The following GREB1L variants were observed in gnomAD, a reference collection of about 807,000 sequenced individuals.
The protein encoded by GREB1L is GREB1 like retinoic acid receptor coactivator.
Under a neutral mutation model 200.8 loss-of-function variants are expected in GREB1L, and 17 were observed. That is an observed-to-expected ratio of 0.08 (90% CI 0.06 to 0.13). GREB1L has a LOEUF of 0.13. Among genes scored for constraint, GREB1L ranks in the 10% least tolerant of loss-of-function variants. The pLI is 1.00. For missense variants in GREB1L, 1,657 were observed against 2,367.7 expected (o/e 0.70, Z 6.23); for synonymous variants, 789 against 893.0 (o/e 0.88, Z 2.08).
intron 17 of GREB1L, among the ~76,000 whole-genome samples, chr18:21,481,634 C>T (rs79988006): frequency 1.5e-4 from 23 of 152,096 alleles, no homozygotes; most frequent in Admixed American, 1.4e-3. Flanking sequence ...CCCGAGAAGT[C>T]CTGTGTCCCT....
At chr18:21,487,653 C>CT (rs1440099799) in intron 18 of GREB1L, among the ~76,000 whole-genome samples, 1 of 152,150 alleles carries the variant, frequency 6.6e-6, no homozygotes, top group Non-Finnish European at 1.5e-5. Context: ...GTTGTATGAA[C>CT]TGGGACAAGC....
At chr18:21,290,084 G>A (rs909766197) in intron 1 of GREB1L, among the ~76,000 whole-genome samples, 1 of 152,190 alleles carries the variant, frequency 6.6e-6, no homozygotes, top group African/African-American at 2.4e-5. Flanking sequence ...TGGCTTCTGG[G>A]AAATGGAAAA....
intron 1 of GREB1L, among the ~76,000 whole-genome samples, chr18:21,296,184 G>T (rs1007851244): frequency 2.0e-5 from 3 of 152,160 alleles, no homozygotes; most frequent in Admixed American, 6.5e-5. Context: ...CTAGGTGTCT[G>T]CCAATCAGCA....
intron 1 of GREB1L, among the ~76,000 whole-genome samples, chr18:21,330,221 G>A (rs2039088051): frequency 1.3e-5 from 2 of 152,204 alleles, no homozygotes; most frequent in Non-Finnish European, 2.9e-5. Context: ...CAGCACCAAC[G>A]AGCTGCAGCC....
chr18:21,412,205 C>A (rs1476408351), intron 7 of GREB1L, among the ~76,000 whole-genome samples: 1 of 151,390 alleles, frequency 6.6e-6, no homozygotes, highest in Non-Finnish European at 1.5e-5. Flanking sequence ...CAAGACTAGC[C>A]TTGTCTTGAA....
At chr18:21,451,991 T>G in intron 13 of GREB1L, 92 bp from the exon 14 acceptor site, 3 of 1,210,294 alleles carry the variant, frequency 2.5e-6, no homozygotes, top group Non-Finnish European at 2.3e-6. Context: ...ACAAATCTAC[T>G]GAGAACAGCC....
At chr18:21,511,315 G>A (rs183588787) in intron 27 of GREB1L, among the ~76,000 whole-genome samples, 1 of 151,992 alleles carries the variant, frequency 6.6e-6, no homozygotes, top group East Asian at 1.9e-4. Context: ...GGTAAGCTGA[G>A]ATCGTACCGC....
chr18:21,412,213 G>T (rs2031127450), intron 7 of GREB1L, among the ~76,000 whole-genome samples: 2 of 151,088 alleles, frequency 1.3e-5, no homozygotes, highest in African/African-American at 4.9e-5. Context: ...GCCTTGTCTT[G>T]AACATAGTGA....
chr18:21,449,936 C>G, intron 12 of GREB1L, 100 bp downstream of exon 12: 1 of 894,770 alleles, frequency 1.1e-6, no homozygotes, highest in Non-Finnish European at 1.7e-6. Flanking sequence ...ACATAATCAA[C>G]CTCTGATTAA....
At chr18:21,520,871 G>A (rs773922068) in intron 32 of GREB1L, 48 bp downstream of exon 32, 3 of 1,460,914 alleles carry the variant, frequency 2.1e-6, no homozygotes, top group Non-Finnish European at 2.8e-6. Flanking sequence ...GGTTCCCACT[G>A]AGCAAAATAC....
chr18:21,337,829 T>C (rs2039209338), intron 1 of GREB1L, among the ~76,000 whole-genome samples: 1 of 151,654 alleles, frequency 6.6e-6, no homozygotes, highest in Non-Finnish European at 1.5e-5. Context: ...TACTAAAAAA[T>C]ACAAACAATT....
chr18:21,334,547 C>T (rs569600029), intron 1 of GREB1L, among the ~76,000 whole-genome samples: 31 of 152,152 alleles, frequency 2.0e-4, no homozygotes, highest in African/African-American at 6.5e-4. Flanking sequence ...TTATTGATCA[C>T]GAGGTCAGGA....
intron 1 of GREB1L, among the ~76,000 whole-genome samples, chr18:21,318,044 G>T (rs1214386441): frequency 6.6e-6 from 1 of 150,898 alleles, no homozygotes; most frequent in African/African-American, 2.4e-5. Context: ...GGAGGTGGAG[G>T]TTGCAGTGAG....
In GREB1L at chr18:21,343,133, G is replaced by GA. The variant is rs544057615; in HGVS notation, c.-119-22882dup. Among the ~76,000 whole-genome samples the GA allele has an allele frequency of 1.8e-3, 245 of 139,766 alleles. 1 individual carries two copies. The highest frequency in any genetic ancestry group is 4.1e-3 in the East Asian group (20 of 4,906). 91.7% of individuals were successfully genotyped at this position (139,766 alleles called of 152,430 possible). On this transcript the variant is annotated intron_variant, in intron 1 of 32. Transcript: ENST00000424526. ...TGGACACCTTTTGGTTTCTTATCTG[G>GA]AAAAAAAAAAAAGGGAGTTAGTCAG...
intron 1 of GREB1L, among the ~76,000 whole-genome samples, chr18:21,355,502 A>G (rs999286000): frequency 1.3e-5 from 2 of 152,116 alleles, no homozygotes; most frequent in African/African-American, 4.8e-5. Flanking sequence ...TTCTTGTTCA[A>G]TATTTTATTG....
chr18:21,510,878 T>C (rs2037212975), intron 27 of GREB1L, among the ~76,000 whole-genome samples: 1 of 152,142 alleles, frequency 6.6e-6, no homozygotes, highest in African/African-American at 2.4e-5. Context: ...TGCATTGTGA[T>C]TTTGTTTTGC....
intron 1 of GREB1L, among the ~76,000 whole-genome samples, chr18:21,268,556 CACACATATATATAT>C (rs1204157025): frequency 1.6e-3 from 154 of 95,716 alleles, no homozygotes; most frequent in African/African-American, 7.2e-3. Flanking sequence ...CACACACACA[CACACATATATATAT>C]ATATATATAT....
intron 7 of GREB1L, among the ~76,000 whole-genome samples, chr18:21,418,430 A>T (rs1042109908): frequency 6.6e-6 from 1 of 152,222 alleles, no homozygotes; most frequent in African/African-American, 2.4e-5. Flanking sequence ...TGTAAATGTT[A>T]TATAAATAAT....
intron 19 of GREB1L, among the ~76,000 whole-genome samples, chr18:21,493,796 G>A (rs950442482): frequency 7.1e-5 from 10 of 141,728 alleles, no homozygotes; most frequent in African/African-American, 2.6e-4. Flanking sequence ...AACCCGGGAG[G>A]TGGAGGTCGC....
Sources: allele counts gnomAD v4.1 joint callset (sites outside exome capture counted in the v4.1 genomes callset), GRCh38; gene constraint gnomAD v4.1.1; transcripts MANE v1.5; gene names NCBI Gene and HGNC (gene_info 2026-07-23, HGNC 2026-07-21).